Variants in GABRB1 observed in about 807,000 individuals in gnomAD.
GABRB1 encodes the protein gamma-aminobutyric acid type A receptor subunit beta1.
Under a neutral mutation model 51.6 loss-of-function variants are expected in GABRB1, and 17 were observed. The observed-to-expected ratio is 0.33, with a 90% confidence interval of 0.23 to 0.49. The LOEUF (loss-of-function observed/expected upper bound fraction) is 0.49, where lower values mean the gene tolerates loss of function less well. GABRB1 is among the 20% of genes least tolerant of loss of function. GABRB1 has a pLI of 0.99. For missense variants in GABRB1, 410 were observed against 600.6 expected, an observed-to-expected ratio of 0.68 and a Z score of 3.32; for synonymous variants, 247 against 218.9, an observed-to-expected ratio of 1.13 and a Z score of -1.14.
At chr4:47,279,136 A>T (rs1028046246) in intron 4 of GABRB1, among the ~76,000 whole-genome samples, 1 of 152,022 alleles carries the variant, frequency 6.6e-6, no homozygotes, top group Non-Finnish European at 1.5e-5. Context: ...GGATGGATAG[A>T]TGGATGGATG....
chr4:47,284,802 G>C (rs1415195640), intron 4 of GABRB1, among the ~76,000 whole-genome samples: 2 of 151,962 alleles, frequency 1.3e-5, no homozygotes, highest in African/African-American at 4.8e-5. Context: ...ATTAAACAAA[G>C]GTATTCTCAA....
chr4:47,295,732 C>T (rs950851865), intron 4 of GABRB1, among the ~76,000 whole-genome samples: 3 of 152,156 alleles, frequency 2.0e-5, no homozygotes, highest in African/African-American at 4.8e-5. Flanking sequence ...GGCAGGCCAA[C>T]ATTCAGATTC....
At chr4:47,062,394 T>G (rs562703373) in intron 3 of GABRB1, among the ~76,000 whole-genome samples, 2 of 151,332 alleles carry the variant, frequency 1.3e-5, no homozygotes, top group African/African-American at 2.4e-5. Context: ...ATGTTATGCC[T>G]TTCTCTAGAT....
At chr4:47,053,642 C>A (rs1726459105) in intron 3 of GABRB1, among the ~76,000 whole-genome samples, 1 of 152,124 alleles carries the variant, frequency 6.6e-6, no homozygotes, top group African/African-American at 2.4e-5. Context: ...ATTAGCCAAC[C>A]ATGTGATGTG....
chr4:47,209,110 T>A (rs1204441752), intron 4 of GABRB1, among the ~76,000 whole-genome samples: 1 of 152,114 alleles, frequency 6.6e-6, no homozygotes, highest in African/African-American at 2.4e-5. Flanking sequence ...ACCAAAAGCT[T>A]AGGAATTGAC....
intron 3 of GABRB1, among the ~76,000 whole-genome samples, chr4:47,127,585 C>A (rs1716214826): frequency 6.6e-6 from 1 of 151,480 alleles, no homozygotes; most frequent in Admixed American, 6.6e-5. Context: ...CATGTAGTTT[C>A]TCTCTCCTAG....
At chr4:47,184,768 C>G (rs952698936) in intron 4 of GABRB1, among the ~76,000 whole-genome samples, 1 of 151,894 alleles carries the variant, frequency 6.6e-6, no homozygotes, top group African/African-American at 2.4e-5. Context: ...CCCAGGCTGT[C>G]CACCTCAACC....
chr4:47,322,994 CAACAAT>C (rs1156812633), intron 5 of GABRB1, among the ~76,000 whole-genome samples: 22 of 101,570 alleles, frequency 2.2e-4, no homozygotes, highest in African/African-American at 7.3e-4. Context: ...ACAACAACAA[CAACAAT>C]AATAATAATA....
intron 4 of GABRB1, among the ~76,000 whole-genome samples, chr4:47,180,577 T>C (rs773344345): frequency 5.9e-4 from 90 of 152,178 alleles, no homozygotes; most frequent in Non-Finnish European, 1.1e-3. Context: ...TGGATCAACT[T>C]AACATTTATA....
At chr4:47,001,127 A>T (rs1724164657) in intron 1 of GABRB1, among the ~76,000 whole-genome samples, 1 of 151,742 alleles carries the variant, frequency 6.6e-6, no homozygotes, top group Admixed American at 6.6e-5. Flanking sequence ...ATTTTAATTT[A>T]ATTTTAGTTT....
intron 4 of GABRB1, among the ~76,000 whole-genome samples, chr4:47,319,651 T>G (rs902632666): frequency 6.6e-6 from 1 of 152,184 alleles, no homozygotes; most frequent in African/African-American, 2.4e-5. Flanking sequence ...TACTATTCAT[T>G]TCTTGTATTG....
chr4:47,038,528 A>G (rs749621502), intron 3 of GABRB1, among the ~76,000 whole-genome samples: 1 of 152,204 alleles, frequency 6.6e-6, no homozygotes, highest in Non-Finnish European at 1.5e-5. Context: ...GTTGTGAAAC[A>G]GAAGGAAAGT....
intron 4 of GABRB1, among the ~76,000 whole-genome samples, chr4:47,252,974 G>T (rs1722050984): frequency 6.6e-6 from 1 of 152,098 alleles, no homozygotes; most frequent in Admixed American, 6.6e-5. Context: ...ACAAGACACT[G>T]TTCTAAGCAC....
At chr4:47,311,411 C>CAAA (rs71276540) in intron 4 of GABRB1, among the ~76,000 whole-genome samples, 9 of 46,204 alleles carry the variant, frequency 1.9e-4, no homozygotes, top group East Asian at 6.1e-4. Context: ...GACTCTGTCT[C>CAAA]AAAAAAAAAA....
intron 4 of GABRB1, among the ~76,000 whole-genome samples, chr4:47,247,572 T>C (rs1451736743): frequency 3.3e-5 from 5 of 152,156 alleles, no homozygotes; most frequent in Admixed American, 3.3e-4. Context: ...TGGTGGTATT[T>C]TGATGGGGAT....
intron 5 of GABRB1, among the ~76,000 whole-genome samples, chr4:47,350,811 T>C (rs1394730540): frequency 6.6e-6 from 1 of 152,156 alleles, no homozygotes; most frequent in Non-Finnish European, 1.5e-5. Flanking sequence ...ACCTGTGAAC[T>C]GAAATATTTC....
chr4:47,306,375 G>C (rs1033467957), intron 4 of GABRB1, among the ~76,000 whole-genome samples: 5 of 151,288 alleles, frequency 3.3e-5, no homozygotes, highest in Non-Finnish European at 7.4e-5. Context: ...TGAGAAGAAG[G>C]TGCGGGGTAG....
intron 5 of GABRB1, among the ~76,000 whole-genome samples, chr4:47,401,595 C>T (rs1453426963): frequency 2.0e-5 from 3 of 152,178 alleles, no homozygotes; most frequent in Admixed American, 6.5e-5. Flanking sequence ...TGGATCCAGA[C>T]AGGGCTGAGA....
intron 3 of GABRB1, among the ~76,000 whole-genome samples, chr4:47,091,936 G>A (rs1728312325): frequency 6.6e-6 from 1 of 151,730 alleles, no homozygotes; most frequent in African/African-American, 2.4e-5. Flanking sequence ...CTTTTTCCTG[G>A]TTAAATCACA....
Sources: gnomAD v4.1 joint callset for allele counts (sites outside exome capture counted in the v4.1 genomes callset) on GRCh38, gnomAD v4.1.1 for gene constraint, MANE v1.5 for transcripts, NCBI Gene and HGNC (gene_info 2026-07-23, HGNC 2026-07-21) for gene names.